ANO4: variants seen among roughly 807,000 people sequenced by gnomAD.
ANO4 encodes the protein anoctamin 4, also known as anoctamin-4.
A neutral mutation model predicts 141.9 loss-of-function variants in ANO4; 69 were observed. The ratio of observed to expected loss-of-function variants is 0.49; its 90% confidence interval spans 0.40 to 0.59. ANO4 has a LOEUF of 0.59. Ranked by LOEUF, ANO4 falls within the 20% of genes least tolerant of loss-of-function variation. ANO4 has a pLI of 0.00. For synonymous variants in ANO4, 350 were observed against 394.3 expected, an observed-to-expected ratio of 0.89 and a Z score of 1.33; for missense variants, 894 against 1,162.2, an observed-to-expected ratio of 0.77 and a Z score of 3.36.
intron 1 of ANO4, chr12:100,859,100 G>C (rs2038336390): frequency 6.6e-6 from 1 of 152,158 alleles, no homozygotes; most frequent in Non-Finnish European, 1.5e-5. Context: ...CTTTCAGGCT[G>C]TTCACAAGTA....
At chr12:100,830,456 G>C (rs571420775) in intron 1 of ANO4, among the ~76,000 whole-genome samples, 124 of 152,140 alleles carry the variant, frequency 8.2e-4, no homozygotes, top group African/African-American at 2.8e-3. Flanking sequence ...CTACTTGAGT[G>C]TTCCAGTGTA....
intron 1 of ANO4, among the ~76,000 whole-genome samples, chr12:100,824,470 T>C (rs80291362): frequency 0.12 from 18,761 of 152,062 alleles, 1,230 homozygotes; most frequent in South Asian, 0.17. Flanking sequence ...TTCTATTTAG[T>C]TTAAATTTGT....
intron 9 of ANO4, among the ~76,000 whole-genome samples, chr12:101,029,387 T>C (rs976594754): frequency 2.0e-5 from 3 of 151,912 alleles, no homozygotes; most frequent in African/African-American, 7.2e-5. Context: ...AGACAGGAAA[T>C]TGGATAAAGA....
intron 25 of ANO4, among the ~76,000 whole-genome samples, chr12:101,118,704 C>G (rs2050953892): frequency 6.6e-6 from 1 of 152,028 alleles, no homozygotes; most frequent in Non-Finnish European, 1.5e-5. Flanking sequence ...TGGACTGGAG[C>G]TTTCTTTTTA....
chr12:101,031,586 A>G (rs1399225096), intron 9 of ANO4, among the ~76,000 whole-genome samples: 6 of 152,208 alleles, frequency 3.9e-5, no homozygotes, highest in African/African-American at 1.4e-4. Context: ...GGCCAGGACA[A>G]TCAGGCAAGA....
chr12:100,773,542 T>A lies in ANO4; in HGVS notation c.358+33437T>A, dbSNP rs566958412. Among the ~76,000 whole-genome samples, 3 of 152,280 alleles carry A rather than the reference T, an allele frequency of 2.0e-5. No individual in the cohort carries two copies. The South Asian group carries it at 6.2e-4, about 32-fold the overall frequency. Reference sequence around the variant, plus strand: ...CCAGGAATGTTGCAAGAGGAATTCCTACATTGGGAAGGATCTTGTACTACA... The same window carrying A: ...CCAGGAATGTTGCAAGAGGAATTCCAACATTGGGAAGGATCTTGTACTACA... On this transcript the variant is annotated intron_variant, in intron 3 of 29. Transcript: ENST00000644049.
intron 1 of ANO4, among the ~76,000 whole-genome samples, chr12:100,818,841 A>G (rs1016413668): frequency 2.6e-5 from 4 of 151,928 alleles, no homozygotes; most frequent in Non-Finnish European, 4.4e-5. Flanking sequence ...AGAGGCCAGC[A>G]CTACTGCTAA....
At chr12:100,833,475 A>T (rs1402281961) in intron 1 of ANO4, among the ~76,000 whole-genome samples, 1 of 152,120 alleles carries the variant, frequency 6.6e-6, no homozygotes, top group Non-Finnish European at 1.5e-5. Context: ...CATAGTCAGG[A>T]TGAATAGTCA....
intron 16 of ANO4, among the ~76,000 whole-genome samples, chr12:101,086,128 G>A (rs937326069): frequency 7.1e-6 from 1 of 140,616 alleles, no homozygotes. Context: ...GTGTGTGTTC[G>A]GCAAGAGATT....
chr12:101,088,326 A>C (rs2049592950), intron 17 of ANO4, among the ~76,000 whole-genome samples: 1 of 151,864 alleles, frequency 6.6e-6, no homozygotes, highest in South Asian at 2.1e-4. Flanking sequence ...TCTCTAGTAA[A>C]TGCTTCCCTG....
At chr12:100,745,147 C>T (rs1193623519) in intron 3 of ANO4, among the ~76,000 whole-genome samples, 4 of 152,168 alleles carry the variant, frequency 2.6e-5, no homozygotes, top group East Asian at 1.9e-4. Context: ...CATGTCTCAC[C>T]GCTCTGTACA....
At chr12:100,836,186 T>G (rs1328599579) in intron 1 of ANO4, among the ~76,000 whole-genome samples, 2 of 152,052 alleles carry the variant, frequency 1.3e-5, no homozygotes, top group Non-Finnish European at 2.9e-5. Context: ...GTTTTTGGAG[T>G]CCCCGTGGGT....
chr12:100,897,917 G>T (rs2040420688), intron 1 of ANO4, among the ~76,000 whole-genome samples: 1 of 152,192 alleles, frequency 6.6e-6, no homozygotes, highest in Non-Finnish European at 1.5e-5. Context: ...CCCCACCCAG[G>T]ATAGCTTTCT....
chr12:100,756,975 G>A (rs1198346563), intron 3 of ANO4, among the ~76,000 whole-genome samples: 6 of 152,012 alleles, frequency 3.9e-5, no homozygotes, highest in Non-Finnish European at 8.8e-5. Flanking sequence ...CATCTGGGAT[G>A]TCCTGCAGGC....
Position 101,128,403 on chromosome 12 carries a change from G to A in ANO4, c.*547G>A, listed in dbSNP as rs912757219. On this transcript the variant is annotated 3_prime_UTR_variant, in exon 28 of 28. Coordinates refer to ENST00000392977, the MANE Select transcript of ANO4 (RefSeq NM_001286615.2). ...ATGACATATCTATAGCTATGTGTAT[G>A]GCCATAGATGTATTTCTGTGTGTAC... 4 of 152,378 alleles carry A rather than the reference G, an allele frequency of 2.6e-5. No individual in the cohort carries two copies. 9.4% of individuals were successfully genotyped at this position (152,378 alleles called of 1,614,324 possible).
At chr12:100,819,132 G>T (rs1454375507) in intron 1 of ANO4, among the ~76,000 whole-genome samples, 3 of 150,914 alleles carry the variant, frequency 2.0e-5, no homozygotes, top group African/African-American at 7.3e-5. Context: ...TTTTTGTCTA[G>T]TAGGTGTTTA....
At chr12:100,855,743 C>T (rs2038130446) in intron 1 of ANO4, among the ~76,000 whole-genome samples, 1 of 152,136 alleles carries the variant, frequency 6.6e-6, no homozygotes, top group South Asian at 2.1e-4. Context: ...TGGCTTTTCT[C>T]ATTTTACAGT....
chr12:100,744,314 C>T (rs778512530), intron 3 of ANO4, among the ~76,000 whole-genome samples: 20 of 152,124 alleles, frequency 1.3e-4, no homozygotes, highest in African/African-American at 4.1e-4. Flanking sequence ...AAACAACAAA[C>T]GTTTCTTTCT....
intron 8 of ANO4, among the ~76,000 whole-genome samples, chr12:100,998,063 G>T (rs543976257): frequency 1.3e-5 from 2 of 152,154 alleles, no homozygotes; most frequent in East Asian, 3.9e-4. Flanking sequence ...TTGATCCTGG[G>T]TGTGTCTGTG....
Sources: allele counts gnomAD v4.1 joint callset (sites outside exome capture counted in the v4.1 genomes callset), GRCh38; gene constraint gnomAD v4.1.1; transcripts MANE v1.5; gene names NCBI Gene and HGNC (gene_info 2026-07-23, HGNC 2026-07-21).